ZBBX: variants seen among roughly 807,000 people sequenced by gnomAD.
The protein encoded by ZBBX is zinc finger B-box domain containing, also known as zinc finger B-box domain-containing protein 1.
In ZBBX, 101 loss-of-function variants were observed where a neutral mutation model predicts 108.5. The observed-to-expected ratio is 0.93, with a 90% CI of 0.79 to 1.10. The LOEUF (loss-of-function observed/expected upper bound fraction) is 1.10. ZBBX is among the 50% of genes least tolerant of loss of function. The pLI, the probability that ZBBX is intolerant of heterozygous loss-of-function variation, is 0.00. For synonymous variants in ZBBX, 356 were observed against 323.4 expected (o/e 1.10, Z -1.08); for missense variants, 1,009 against 941.4 (o/e 1.07, Z -0.94).
chr3:167,194,757 G>T, the ZBBX span, among the ~76,000 whole-genome samples: 1 of 152,094 alleles, frequency 6.6e-6, no homozygotes, highest in Admixed American at 6.6e-5. Flanking sequence ...GAGCCACCAG[G>T]ACTTATCCTT....
intron 1 of ZBBX, among the ~76,000 whole-genome samples, chr3:167,394,999 T>C (rs752240593): frequency 4.6e-5 from 7 of 152,022 alleles, no homozygotes; most frequent in Non-Finnish European, 1.5e-5. Flanking sequence ...TGGAAGGAAA[T>C]AGAGGCATAT....
chr3:167,386,658 T>C (rs1747931932), intron 1 of ZBBX, among the ~76,000 whole-genome samples: 1 of 152,070 alleles, frequency 6.6e-6, no homozygotes, highest in Non-Finnish European at 1.5e-5. Flanking sequence ...CAGCAAACAA[T>C]TATTTATAAT....
At chr3:167,330,966 C>T (rs1046233056) in intron 10 of ZBBX, among the ~76,000 whole-genome samples, 618 of 17,658 alleles carry the variant, frequency 0.035, 1 homozygote, top group Middle Eastern at 0.12. Flanking sequence ...TCTCTCTCTC[C>T]CCCACTCCCC....
At chr3:167,316,414 T>C (rs1414673447) in intron 14 of ZBBX, among the ~76,000 whole-genome samples, 1 of 152,130 alleles carries the variant, frequency 6.6e-6, no homozygotes. Context: ...AGCTACTATA[T>C]TACTAGAAAG....
intron 14 of ZBBX, 72 bp from the exon 15 acceptor site, chr3:167,315,901 G>C: frequency 1.1e-6 from 1 of 910,460 alleles, no homozygotes; most frequent in Non-Finnish European, 1.7e-6. Flanking sequence ...ACTTACTTAT[G>C]GGTGATATTT....
intron 19 of ZBBX, among the ~76,000 whole-genome samples, chr3:167,284,496 A>G (rs1729371118): frequency 6.6e-6 from 1 of 152,200 alleles, no homozygotes; most frequent in Non-Finnish European, 1.5e-5. Context: ...CTTTAAAAAA[A>G]CAAACCAAAC....
intron 20 of ZBBX, among the ~76,000 whole-genome samples, chr3:167,266,415 T>C (rs577885816): frequency 1.3e-5 from 2 of 152,310 alleles, no homozygotes; most frequent in South Asian, 4.1e-4. Flanking sequence ...AAAGTTACTA[T>C]AAACAGCTTA....
intron 16 of ZBBX, among the ~76,000 whole-genome samples, chr3:167,311,022 G>C (rs1054628915): frequency 2.0e-5 from 3 of 152,044 alleles, no homozygotes; most frequent in African/African-American, 7.2e-5. Context: ...GAAGAGCAAA[G>C]TCAGAAGACT....
intron 18 of ZBBX, among the ~76,000 whole-genome samples, chr3:167,291,207 C>T (rs1730635988): frequency 6.6e-6 from 1 of 151,986 alleles, no homozygotes; most frequent in Non-Finnish European, 1.5e-5. Context: ...ACACAGAGAA[C>T]ACCAAAAAGA....
intron 9 of ZBBX, among the ~76,000 whole-genome samples, chr3:167,344,782 AAGCCC>A (rs1741159110): frequency 6.6e-6 from 1 of 151,790 alleles, no homozygotes; most frequent in Admixed American, 6.6e-5. Flanking sequence ...TTCAGTTACA[AAGCCC>A]ACTGCACTCA....
At chr3:167,355,132 A>G (rs1478243240) in intron 8 of ZBBX, among the ~76,000 whole-genome samples, 1 of 151,992 alleles carries the variant, frequency 6.6e-6, no homozygotes, top group African/African-American at 2.4e-5. Context: ...TTCAGAATCC[A>G]TTTGAGTTTA....
rs1015058279 is a variant in ZBBX, at chr3:167,321,237, G to C, written c.983+880C>G. Among the ~76,000 whole-genome samples, 127 of 152,098 alleles carry C rather than the reference G, an allele frequency of 8.3e-4. 1 individual carries two copies. The highest frequency in any genetic ancestry group is 1.5e-4 in the Non-Finnish European group (10 of 67,934). Reference sequence around the variant, plus strand: ...TACAAACAGTTGAAGGTGAGTGGTGGTGCGGGTATTAACCTATCTAGCAGA... The same window carrying C: ...TACAAACAGTTGAAGGTGAGTGGTGCTGCGGGTATTAACCTATCTAGCAGA... On this transcript the variant is annotated intron_variant, in intron 12 of 21. Coordinates refer to ENST00000675490, the MANE Select transcript of ZBBX (RefSeq NM_001199201.2).
At chr3:167,237,138 A>C (rs1221319878), downstream of ZBBX, among the ~76,000 whole-genome samples, 1 of 151,776 alleles carries the variant, frequency 6.6e-6, no homozygotes, top group African/African-American at 2.4e-5. Context: ...TTCAAGAAAT[A>C]TTTTCTATGC....
intron 18 of ZBBX, among the ~76,000 whole-genome samples, chr3:167,293,444 CAT>C (rs1731077549): frequency 1.3e-5 from 2 of 152,104 alleles, no homozygotes; most frequent in Non-Finnish European, 2.9e-5. Context: ...TGACAAAAAA[CAT>C]ATGATTATCT....
the ZBBX span, among the ~76,000 whole-genome samples, chr3:167,211,584 G>T: frequency 1.3e-5 from 2 of 152,164 alleles, no homozygotes; most frequent in East Asian, 1.9e-4. Context: ...GAGTTCCCAG[G>T]GGGAGGGAAA....
At chr3:167,299,365 C>T (rs1230413872) in intron 17 of ZBBX, among the ~76,000 whole-genome samples, 2 of 151,894 alleles carry the variant, frequency 1.3e-5, no homozygotes, top group Non-Finnish European at 2.9e-5. Flanking sequence ...CATTCAAAGA[C>T]AAATCGAAAT....
At chr3:167,348,237 G>GGAAGGGAGGGAGGGAGGAGGGAAA (rs1741857417) in intron 9 of ZBBX, among the ~76,000 whole-genome samples, 1 of 134,474 alleles carries the variant, frequency 7.4e-6, no homozygotes, top group African/African-American at 2.8e-5. Flanking sequence ...GAGGAGGGAA[G>GGAAGGGAGGGAGGGAGGAGGGAAA]GAAGGGAGGG....
In ZBBX at chr3:167,298,368, GTCTT is replaced by G. The variant is rs773437616; in HGVS notation, c.1812_1815del (p.Glu604AspfsTer10). On this transcript the variant is annotated frameshift_variant, in exon 18 of 22. Coordinates refer to ENST00000675490, the MANE Select transcript of ZBBX (RefSeq NM_001199201.2). LOFTEE classifies it high-confidence loss of function. ...AAACGATGAGAAGGAAGTAAGTTGA[GTCTT>G]TCATTTGTATCAAAAATAAAGAATC... 24 of 1,600,338 alleles carry G rather than the reference GTCTT, an allele frequency of 1.5e-5. No individual in the cohort carries two copies. The East Asian group carries it at 5.0e-4, about 33-fold the overall frequency.
intron 9 of ZBBX, among the ~76,000 whole-genome samples, chr3:167,336,316 A>C (rs1429568409): frequency 6.6e-6 from 1 of 152,064 alleles, no homozygotes; most frequent in Non-Finnish European, 1.5e-5. Context: ...AACTGATAAA[A>C]TAGAATTCCA....
Sources: allele counts gnomAD v4.1 joint callset (sites outside exome capture counted in the v4.1 genomes callset), GRCh38; gene constraint gnomAD v4.1.1; transcripts MANE v1.5; gene names NCBI Gene and HGNC (gene_info 2026-07-23, HGNC 2026-07-21).